The following DPRX variants were observed in gnomAD, a reference collection of about 807,000 sequenced individuals.
DPRX encodes the protein divergent paired-related homeobox.
In DPRX, 11 loss-of-function variants were observed where a neutral mutation model predicts 8.4. That is an observed-to-expected ratio of 1.31 (90% CI 0.82 to 2.17). The LOEUF (loss-of-function observed/expected upper bound fraction) is 2.17. DPRX is among the 30% of genes most tolerant of loss of function. DPRX has a pLI of 0.00. For synonymous variants in DPRX, 72 were observed against 87.0 expected (o/e 0.83, Z 0.96); for missense variants, 211 against 236.7 (o/e 0.89, Z 0.71).
At chr19:53,614,519 C>T in the DPRX span, among the ~76,000 whole-genome samples, 5,786 of 151,562 alleles carry the variant, frequency 0.038, 173 homozygotes, top group East Asian at 0.15. Context: ...GGCAACATAG[C>T]GAGACCCTCA....
At chr19:53,607,297 G>A in the DPRX span, among the ~76,000 whole-genome samples, 12 of 152,288 alleles carry the variant, frequency 7.9e-5, no homozygotes, top group African/African-American at 2.2e-4. Flanking sequence ...AATGGCTCAC[G>A]CCTATAATCC....
At chr19:53,602,419 G>A in the DPRX span, among the ~76,000 whole-genome samples, 3 of 151,428 alleles carry the variant, frequency 2.0e-5, no homozygotes, top group African/African-American at 7.3e-5. Flanking sequence ...GAGTGCAGTG[G>A]CACAATCTTG....
chr19:53,623,711 C>T, the DPRX span, among the ~76,000 whole-genome samples: 6 of 151,938 alleles, frequency 3.9e-5, no homozygotes, highest in Non-Finnish European at 7.4e-5. Flanking sequence ...TGGGATTACG[C>T]TTGCCAAAGT....
At chr19:53,629,393 G>C (rs2091082922), upstream of DPRX, among the ~76,000 whole-genome samples, 1 of 150,712 alleles carries the variant, frequency 6.6e-6, no homozygotes, top group African/African-American at 2.4e-5. Context: ...AACATGCTCA[G>C]TAAAAGAAGC....
upstream of DPRX, among the ~76,000 whole-genome samples, chr19:53,631,579 C>T (rs1028594742): frequency 6.6e-6 from 1 of 151,756 alleles, no homozygotes; most frequent in Non-Finnish European, 1.5e-5. Flanking sequence ...GCCAACATGG[C>T]GGAAACTCCG....
the DPRX span, among the ~76,000 whole-genome samples, chr19:53,617,967 A>G: frequency 4.0e-5 from 6 of 151,710 alleles, no homozygotes; most frequent in Non-Finnish European, 8.8e-5. Flanking sequence ...TTGAAACCCC[A>G]TCTCTACTAA....
the DPRX span, among the ~76,000 whole-genome samples, chr19:53,618,120 G>T: frequency 6.9e-6 from 1 of 145,122 alleles, no homozygotes; most frequent in Admixed American, 6.8e-5. Flanking sequence ...TCCAGCCTGG[G>T]CGACAGAGCG....
At chr19:53,634,734 T>A in intron 2 of DPRX, 49 bp downstream of exon 2, 1 of 1,579,228 alleles carries the variant, frequency 6.3e-7, no homozygotes, top group Non-Finnish European at 8.6e-7. Flanking sequence ...TGATCTAATC[T>A]AAATTCAGAG....
chr19:53,631,393 T>C (rs2091092107), upstream of DPRX, among the ~76,000 whole-genome samples: 1 of 152,240 alleles, frequency 6.6e-6, no homozygotes, highest in South Asian at 2.1e-4. Flanking sequence ...CTAAAGAATA[T>C]ATAAGTTGCC....
the DPRX span, among the ~76,000 whole-genome samples, chr19:53,608,953 C>CAAAAAAAAAAAAAAAAAAAAA: frequency 1.3e-5 from 1 of 76,930 alleles, no homozygotes; most frequent in Non-Finnish European, 2.4e-5. Flanking sequence ...GAGACTCCGT[C>CAAAAAAAAAAAAAAAAAAAAA]AAAAAAAAAA....
chr19:53,612,422 C>T, the DPRX span, among the ~76,000 whole-genome samples: 41 of 149,892 alleles, frequency 2.7e-4, no homozygotes, highest in Non-Finnish European at 1.2e-4. Flanking sequence ...TAGGATTGGA[C>T]GTGGCCGGGT....
At chr19:53,628,573 A>G (rs1287729480), upstream of DPRX, among the ~76,000 whole-genome samples, 2 of 151,788 alleles carry the variant, frequency 1.3e-5, no homozygotes, top group Non-Finnish European at 2.9e-5. Context: ...ACCTCTAGGT[A>G]GTTCCAAAAC....
upstream of DPRX, chr19:53,631,980 T>C (rs751135483): frequency 6.8e-5 from 88 of 1,286,874 alleles, no homozygotes; most frequent in Non-Finnish European, 9.4e-5. Flanking sequence ...TGGAGGCAGA[T>C]AGGGCAGAGA....
At chr19:53,629,087 G>T (rs530636878), upstream of DPRX, among the ~76,000 whole-genome samples, 96 of 151,410 alleles carry the variant, frequency 6.3e-4, no homozygotes, top group African/African-American at 2.1e-3. Context: ...GCCGAGGCGG[G>T]CAGATCACTT....
At chr19:53,636,100 G>C (rs1024702407) in intron 2 of DPRX, among the ~76,000 whole-genome samples, 2 of 152,192 alleles carry the variant, frequency 1.3e-5, no homozygotes, top group Admixed American at 6.6e-5. Context: ...GGGTATGGTG[G>C]CTCATGCCTG....
chr19:53,620,325 T>A, the DPRX span, among the ~76,000 whole-genome samples: 1 of 151,728 alleles, frequency 6.6e-6, no homozygotes, highest in African/African-American at 2.4e-5. Flanking sequence ...CACCTTGGCC[T>A]CCCAAAGTGC....
At chr19:53,623,702 G>A in the DPRX span, among the ~76,000 whole-genome samples, 1 of 151,734 alleles carries the variant, frequency 6.6e-6, no homozygotes, top group Non-Finnish European at 1.5e-5. Context: ...CCAACACTTT[G>A]GGATTACGCT....
upstream of DPRX, among the ~76,000 whole-genome samples, chr19:53,628,276 A>C (rs1448371849): frequency 6.6e-6 from 1 of 152,108 alleles, no homozygotes; most frequent in Non-Finnish European, 1.5e-5. Context: ...TGTCTCTGAA[A>C]CCTAAAATAA....
At chr19:53,602,312 G>GTGTGTGTGTGTGTGTGTC in the DPRX span, 1 of 316,102 alleles carries the variant, frequency 3.2e-6, no homozygotes, top group African/African-American at 2.4e-5. Context: ...GTGTGTGTGT[G>GTGTGTGTGTGTGTGTGTC]CCAGCCTCCC....
Sources: gnomAD v4.1 joint callset for allele counts (sites outside exome capture counted in the v4.1 genomes callset) on GRCh38, gnomAD v4.1.1 for gene constraint, MANE v1.5 for transcripts, NCBI Gene and HGNC (gene_info 2026-07-23, HGNC 2026-07-21) for gene names.